HECW1: variants seen among roughly 807,000 people sequenced by gnomAD.
HECW1 encodes HECT, C2 and WW domain containing E3 ubiquitin protein ligase 1.
Under a neutral mutation model 182.3 loss-of-function variants are expected in HECW1, and 61 were observed. The ratio of observed to expected loss-of-function variants is 0.33; its 90% CI spans 0.27 to 0.41. HECW1 has a LOEUF of 0.41. Ranked by LOEUF, HECW1 falls within the 10% of genes least tolerant of loss-of-function variation. The probability of loss-of-function intolerance (pLI) is 1.00; values close to 1 mark genes in which losing one functional copy is unlikely to be tolerated. For synonymous variants in HECW1, 859 were observed against 832.6 expected (o/e 1.03, Z -0.55); for missense variants, 1,739 against 2,108.9 (o/e 0.82, Z 3.44).
chr7:43,172,430 A>AT (rs11394010), intron 2 of HECW1, among the ~76,000 whole-genome samples: 121,488 of 150,952 alleles, frequency 0.8, 49,100 homozygotes, highest in Non-Finnish European at 0.84. Context: ...GATTTCTAGG[A>AT]TTTTTTTTTC....
intron 2 of HECW1, 89 bp downstream of exon 2, chr7:43,114,480 T>C (rs1481726000): frequency 2.7e-6 from 3 of 1,120,838 alleles, no homozygotes; most frequent in Non-Finnish European, 3.6e-6. Flanking sequence ...CTGGTATGAA[T>C]GTGTGTGCCT....
intron 8 of HECW1, among the ~76,000 whole-genome samples, chr7:43,415,166 C>A (rs1424049796): frequency 1.3e-5 from 2 of 150,760 alleles, no homozygotes; most frequent in Admixed American, 1.3e-4. Flanking sequence ...GCGGCTGGTA[C>A]CGGTTGTTCC....
intron 16 of HECW1, among the ~76,000 whole-genome samples, chr7:43,474,774 G>T (rs2078159012): frequency 6.6e-6 from 1 of 152,086 alleles, no homozygotes; most frequent in South Asian, 2.1e-4. Flanking sequence ...ACAAAATGTG[G>T]TATATACCTG....
intron 3 of HECW1, among the ~76,000 whole-genome samples, chr7:43,251,607 T>C (rs1365477056): frequency 1.3e-5 from 2 of 152,214 alleles, no homozygotes; most frequent in South Asian, 2.1e-4. Context: ...TGAGCCACCA[T>C]GCCTGGCCAC....
In HECW1 at chr7:43,444,503, A is replaced by C; in HGVS notation, c.1331A>C (p.Gln444Pro). ...GPEGAGELLA[Q>P]VQKDIQPAPS... is the part of the protein sequence containing the mutation. The stretch of plus-strand genomic sequence containing the variant: ...GAAGGGGCTGGGGAGCTCCTGGCCC[A>C]GGTGCAAAAGGACATCCAGCCTGCC... The change falls in exon 11 of 30, where the codon CAG becomes CCG. Residue 444 changes from glutamine (Q) to proline (P), a missense_variant. Physicochemically the swap from Gln to Pro is moderately conservative, Grantham distance 76. Coordinates refer to ENST00000395891, the MANE Select transcript of HECW1 (RefSeq NM_015052.5). The surrounding 1 kb of genome is among the most constrained non-coding windows in gnomAD (Gnocchi z 4.3). 6.2e-7 allele frequency: 1 copy of C among 1,612,190 alleles called. No homozygotes were observed. Among genetic ancestry groups the C allele is most frequent in the Non-Finnish European group, 8.5e-7 (1 of 1,179,278 alleles).
At chr7:43,495,163 T>A (rs2079069327) in intron 19 of HECW1, among the ~76,000 whole-genome samples, 2 of 152,208 alleles carry the variant, frequency 1.3e-5, no homozygotes, top group East Asian at 3.8e-4. Context: ...GTGCAGAAAG[T>A]GCAGGATTGT....
At chr7:43,216,116 G>A (rs1045246301) in intron 2 of HECW1, among the ~76,000 whole-genome samples, 5 of 152,106 alleles carry the variant, frequency 3.3e-5, no homozygotes, top group Non-Finnish European at 7.4e-5. Context: ...AGTCTGGTGA[G>A]ATGAAGCAGG....
intron 2 of HECW1, among the ~76,000 whole-genome samples, chr7:43,174,010 T>A (rs1791965724): frequency 6.6e-6 from 1 of 152,050 alleles, no homozygotes; most frequent in South Asian, 2.1e-4. Context: ...GCTAATTTTT[T>A]AAAATTTTCT....
intron 3 of HECW1, among the ~76,000 whole-genome samples, chr7:43,247,861 GAA>G (rs1419907681): frequency 9.2e-6 from 1 of 108,988 alleles, no homozygotes; most frequent in African/African-American, 6.7e-5. Flanking sequence ...AGGAAGGAAA[GAA>G]AGAAGAAAGC....
At chr7:43,207,659 C>G (rs895549045) in intron 2 of HECW1, 8 of 152,166 alleles carry the variant, frequency 5.3e-5, no homozygotes, top group Non-Finnish European at 7.3e-5. Flanking sequence ...TTCTAGTATC[C>G]TCTGCTCTAC....
intron 4 of HECW1, among the ~76,000 whole-genome samples, chr7:43,316,521 A>T (rs1177019740): frequency 2.0e-5 from 3 of 152,166 alleles, no homozygotes; most frequent in Non-Finnish European, 4.4e-5. Flanking sequence ...GTAGGTACTT[A>T]TAGTATTTAT....
In HECW1 at chr7:43,444,362, G is replaced by A; in HGVS notation, c.1190G>A (p.Gly397Asp). 1.2e-6 allele frequency: 2 copies of A among 1,614,120 alleles called. No homozygotes were observed. The highest frequency in any genetic ancestry group is 1.7e-6 in the Non-Finnish European group (2 of 1,180,016). The part of the protein sequence containing the change: ...SSESWKPEQL[G>D]EGSVPDGPGN... ...GAGAGCTGGAAGCCAGAGCAGCTGG[G>A]TGAGGGCAGTGTCCCCGATGGTCCA... The change falls in exon 11 of 30, where the codon GGT becomes GAT. Residue 397 changes from glycine to aspartate, a missense_variant. Coordinates refer to ENST00000395891, the MANE Select transcript of HECW1 (RefSeq NM_015052.5). The surrounding 1 kb of genome is among the most constrained non-coding windows in gnomAD (Gnocchi z 4.3).
chr7:43,128,670 C>A (rs1319137306), intron 2 of HECW1, among the ~76,000 whole-genome samples: 1 of 152,114 alleles, frequency 6.6e-6, no homozygotes, highest in African/African-American at 2.4e-5. Flanking sequence ...AAATACATTT[C>A]TTGATGCTAT....
At chr7:43,415,524 G>A (rs1017929165) in intron 8 of HECW1, among the ~76,000 whole-genome samples, 4 of 152,014 alleles carry the variant, frequency 2.6e-5, no homozygotes, top group Non-Finnish European at 2.9e-5. Flanking sequence ...TGCTCTTCTC[G>A]AAGAGTATCT....
intron 3 of HECW1, among the ~76,000 whole-genome samples, chr7:43,302,705 G>C (rs974440296): frequency 2.0e-5 from 3 of 152,292 alleles, no homozygotes; most frequent in African/African-American, 7.2e-5. Context: ...GGGCGCCTTG[G>C]GCCCCTGGAG....
At chr7:43,235,030 C>T (rs975403632) in intron 2 of HECW1, among the ~76,000 whole-genome samples, 18 of 152,218 alleles carry the variant, frequency 1.2e-4, no homozygotes, top group African/African-American at 4.3e-4. Flanking sequence ...CGGCCAATCC[C>T]CTGCCAGACC....
chr7:43,540,250 G>A (rs111879096), intron 24 of HECW1, among the ~76,000 whole-genome samples: 15 of 152,262 alleles, frequency 9.9e-5, no homozygotes, highest in African/African-American at 3.6e-4. Flanking sequence ...CCACCAGGGA[G>A]GATCTGAGAA....
chr7:43,553,688 A>ATG (rs369905426), intron 28 of HECW1, among the ~76,000 whole-genome samples: 1 of 136,342 alleles, frequency 7.3e-6, no homozygotes, highest in Non-Finnish European at 1.6e-5. Context: ...AAAAAAAAAA[A>ATG]GTCTCTGCCT....
intron 3 of HECW1, among the ~76,000 whole-genome samples, chr7:43,288,608 C>T (rs1385888991): frequency 6.6e-6 from 1 of 152,186 alleles, no homozygotes; most frequent in Non-Finnish European, 1.5e-5. Flanking sequence ...AGTGCCCAGG[C>T]TTGTCTCTGA....
Sources: gnomAD v4.1 joint callset for allele counts (sites outside exome capture counted in the v4.1 genomes callset) on GRCh38, gnomAD v4.1.1 for gene constraint, Gnocchi (gnomAD v3.1) non-coding constraint, MANE v1.5 for transcripts, NCBI Gene and HGNC (gene_info 2026-07-23, HGNC 2026-07-21) for gene names.